IDH2: variants seen among roughly 807,000 people sequenced by gnomAD.
The protein encoded by IDH2 is isocitrate dehydrogenase [NADP], mitochondrial.
Under a neutral mutation model 50.5 loss-of-function variants are expected in IDH2, and 18 were observed. The ratio of observed to expected loss-of-function variants is 0.36; its 90% CI spans 0.25 to 0.53. The LOEUF is 0.53. Among genes scored for constraint, IDH2 ranks in the 20% least tolerant of loss-of-function variants. IDH2 has a pLI of 0.92. For synonymous variants in IDH2, 280 were observed against 239.8 expected (o/e 1.17, Z -1.55); for missense variants, 518 against 610.7 (o/e 0.85, Z 1.60).
Position 90,100,934 on chromosome 15 carries a change from G to C in IDH2, c.115+1342C>G, listed in dbSNP as rs370491637. On this transcript the variant is annotated intron_variant, in intron 1 of 10. Transcript: ENST00000330062. This position sits in a 1 kb window ranked among gnomAD's most constrained non-coding sequence, Gnocchi z 4.1. ...TTTGTGTGTGTTTTTCGGGTTGTTT[G>C]TTTCTTTTTTTTTTTTTTACCATCA... Among the ~76,000 whole-genome samples, 606 of 86,350 alleles carry C rather than the reference G, an allele frequency of 7.0e-3. 5 individuals carry two copies. The highest frequency in any genetic ancestry group is 0.01 in the South Asian group (27 of 2,676). 56.6% of individuals were successfully genotyped at this position (86,350 alleles called of 152,430 possible). A position where few individuals can be genotyped will look rare whatever the true frequency, so the allele number is the denominator to read the frequency against.
chr15:90,085,275 CT>C lies in IDH2; in HGVS notation c.1079del (p.Lys360ArgfsTer52), dbSNP rs1900829070. On this transcript the variant is annotated frameshift_variant and splice_region_variant, in exon 8 of 11. Transcript: ENST00000330062. LOFTEE classifies it high-confidence loss of function. This position sits in a 1 kb window ranked among gnomAD's most constrained non-coding sequence, Gnocchi z 5.5. ...TVTRHYREHQKGRPTSTNPIA... is the reference protein window; with the variant it reads ...TVTRHYREHQXGRPTSTNPIA... The stretch of plus-strand genomic sequence containing the variant: ...GTGAGGCCCCATGCCCTGCACTCAC[CT>C]TCTGGTGCTCCCGATAGTGGCGGGT... 6.4e-7 allele frequency: 1 copy of C among 1,557,444 alleles called. No individual in the cohort carries two copies. Among genetic ancestry groups the C allele is most frequent in the Non-Finnish European group, 8.7e-7 (1 of 1,149,722 alleles).
intron 7 of IDH2, among the ~76,000 whole-genome samples, chr15:90,086,527 G>A (rs1900863265): frequency 6.6e-6 from 1 of 152,060 alleles, no homozygotes. Context: ...TCAAGTAGCT[G>A]GGATTACAGG....
At chr15:90,094,187 C>T (rs897806545) in intron 1 of IDH2, among the ~76,000 whole-genome samples, 1 of 152,054 alleles carries the variant, frequency 6.6e-6, no homozygotes, top group Admixed American at 6.6e-5. Flanking sequence ...GGGCAGGGGA[C>T]GCTACTGAAG....
chr15:90,099,471 T>TG (rs1456895065), intron 1 of IDH2, among the ~76,000 whole-genome samples: 3 of 152,180 alleles, frequency 2.0e-5, no homozygotes, highest in African/African-American at 7.2e-5. Flanking sequence ...CTTCTCTTTT[T>TG]GGGGGGAGAA....
intron 5 of IDH2, 74 bp downstream of exon 5, chr15:90,088,285 A>C: frequency 6.3e-7 from 1 of 1,581,224 alleles, no homozygotes; most frequent in Non-Finnish European, 8.6e-7. Context: ...TTACAGAAGA[A>C]AGGAAAGCCA....
At position 90,102,357 on chromosome 15, in the gene IDH2, A is replaced by C. The variant is rs1338052183; in HGVS notation, c.34T>G (p.Cys12Gly). The change falls in exon 1 of 11, where the codon TGC (cysteine) becomes GGC (glycine). Residue 12 changes from cysteine to glycine, a missense_variant. Physicochemically the swap from Cys to Gly is radical, Grantham distance 159. Transcript: ENST00000330062. ...GCCGGCCGCGAGCCTGAGGCTCTGCAGAGCGAGCGCACGACCCGCAGGTAG... is the reference window on the plus strand; with the variant it reads ...GCCGGCCGCGAGCCTGAGGCTCTGCCGAGCGAGCGCACGACCCGCAGGTAG... ...AGYLRVVRSL[C>G]RASGSRPAWA... is the part of the protein sequence containing the mutation. 2 of 1,368,568 alleles carry C rather than the reference A, an allele frequency of 1.5e-6. No individual in the cohort carries two copies. The highest frequency in any genetic ancestry group is 1.5e-5 in the African/African-American group (1 of 66,826). The allele number at this position is 1,368,568 out of a possible 1,614,324, so 84.8% of individuals were successfully genotyped here. A position where few individuals can be genotyped will look rare whatever the true frequency, so the allele number is the denominator to read the frequency against.
rs1901036443 is a variant in IDH2, at chr15:90,091,551, A to G, written c.207+2T>C. The G allele has an allele frequency of 6.8e-6, 11 of 1,612,336 alleles. No individual in the cohort carries two copies. Among genetic ancestry groups the G allele is most frequent in the Non-Finnish European group, 8.5e-6 (10 of 1,178,314 alleles). On this transcript the variant is annotated splice_donor_variant, in intron 2 of 10. Transcript: ENST00000330062. LOFTEE classifies it high-confidence loss of function. ...GCCACCCACTTCAGGAGGGGGCACT[A>G]CCTTCTCCTTGATGAACTGCCAGAT...
At chr15:90,089,326 G>A (rs898289147) in intron 3 of IDH2, among the ~76,000 whole-genome samples, 14 of 152,226 alleles carry the variant, frequency 9.2e-5, no homozygotes, top group South Asian at 2.1e-4. Flanking sequence ...AAATGAGCTC[G>A]TGTGTAAAGG....
rs138094075 is a variant in IDH2, at chr15:90,098,531, C to CATGTATGTATGTATGCATGCATGTATGT, written c.115+3744_115+3745insACATACATGCATGCATACATACATACAT. Among the ~76,000 whole-genome samples, 1,522 of 138,378 alleles carry CATGTATGTATGTATGCATGCATGTATGT rather than the reference C, an allele frequency of 0.011. 15 individuals carry two copies. Among genetic ancestry groups the CATGTATGTATGTATGCATGCATGTATGT allele is most frequent in the African/African-American group, 0.025 (904 of 36,768 alleles). 90.8% of individuals were successfully genotyped at this position (138,378 alleles called of 152,430 possible). On this transcript the variant is annotated intron_variant, in intron 1 of 10. Coordinates refer to ENST00000330062, the MANE Select transcript of IDH2 (RefSeq NM_002168.4). The surrounding 1 kb of genome is among the most constrained non-coding windows in gnomAD (Gnocchi z 5.1). ...GTATGTATGTATGTATGTATGCATG[C>CATGTATGTATGTATGCATGCATGTATGT]ATGTATGTATGTATGTATGTATGTA...
Position 90,083,662 on chromosome 15 carries a change from G to C in IDH2, c.*604C>G, listed in dbSNP as rs796566867. 2.0e-4 allele frequency: 33 copies of C among 163,042 alleles called. No individual in the cohort carries two copies. The highest frequency in any genetic ancestry group is 7.4e-4 in the African/African-American group (31 of 41,754). The allele number at this position is 163,042 out of a possible 1,614,324, so 10.1% of individuals were successfully genotyped here. A position where few individuals can be genotyped will look rare whatever the true frequency, so the allele number is the denominator to read the frequency against. On this transcript the variant is annotated 3_prime_UTR_variant, in exon 11 of 11. Transcript: ENST00000330062. ...AAAGTGGCCTGGAGATGTTTAGAAG[G>C]TTAAAACCAACGAAGAAAAAAATCA...
rs1340218742 is a variant in IDH2 at position 90,085,594 on chromosome 15, CACTGGAGGGT to C, written c.968-217_968-208del. On this transcript the variant is annotated intron_variant, in intron 7 of 10. Coordinates refer to ENST00000330062, the MANE Select transcript of IDH2 (RefSeq NM_002168.4). This position sits in a 1 kb window ranked among gnomAD's most constrained non-coding sequence, Gnocchi z 5.5. Reference sequence around the variant, plus strand: ...CAGGGCCCAGCACAGGGCTGGAGGGCACTGGAGGGTGGCTATCACCAGCACATTAACATCC... The same window carrying C: ...CAGGGCCCAGCACAGGGCTGGAGGGCGGCTATCACCAGCACATTAACATCC... Among the ~76,000 whole-genome samples the C allele has an allele frequency of 6.6e-6, 1 of 152,176 alleles. No homozygotes were observed. The highest frequency in any genetic ancestry group is 1.5e-5 in the Non-Finnish European group (1 of 68,010).
chr15:90,084,219 C>T lies in IDH2; in HGVS notation c.*47G>A, dbSNP rs767424579. The T allele has an allele frequency of 1.2e-5, 18 of 1,542,626 alleles. No individual in the cohort carries two copies. Among genetic ancestry groups the T allele is most frequent in the South Asian group, 5.6e-5 (5 of 88,586 alleles). On this transcript the variant is annotated 3_prime_UTR_variant, in exon 11 of 11. Coordinates refer to ENST00000330062, the MANE Select transcript of IDH2 (RefSeq NM_002168.4). The surrounding 1 kb of genome is among the most constrained non-coding windows in gnomAD (Gnocchi z 5.0). ...CTCTGCCGCGCTCAGGAGGACCCGC[C>T]GGCTCAGCCCTGGCCCCTCCACTGC...
chr15:90,097,966 C>T (rs1197592253), intron 1 of IDH2, among the ~76,000 whole-genome samples: 1 of 152,158 alleles, frequency 6.6e-6, no homozygotes, highest in Non-Finnish European at 1.5e-5. Context: ...CCATGACAGC[C>T]AAGTGCCCTC....
rs1901241196 is a variant in IDH2, at chr15:90,098,523, T to TGCATGTATGTATGTATGC, written c.115+3752_115+3753insGCATACATACATACATGC. On this transcript the variant is annotated intron_variant, in intron 1 of 10. Coordinates refer to ENST00000330062, the MANE Select transcript of IDH2 (RefSeq NM_002168.4). The surrounding 1 kb of genome is among the most constrained non-coding windows in gnomAD (Gnocchi z 5.1). ...TATTTTATGTATGTATGTATGTATG[T>TGCATGTATGTATGTATGC]ATGCATGCATGTATGTATGTATGTA... is the stretch of plus-strand genomic sequence containing the variant. 4.4e-5 allele frequency among the ~76,000 whole-genome samples: 4 copies of TGCATGTATGTATGTATGC among 90,146 alleles called. No homozygotes were observed. The highest frequency in any genetic ancestry group is 9.5e-5 in the Admixed American group (1 of 10,542). The allele number at this position is 90,146 out of a possible 152,430, so 59.1% of individuals were successfully genotyped here.
Position 90,084,754 on chromosome 15 carries a change from A to T in IDH2, c.1271+62T>A. On this transcript the variant is annotated intron_variant, in intron 10 of 10. Coordinates refer to ENST00000330062, the MANE Select transcript of IDH2 (RefSeq NM_002168.4). This position sits in a 1 kb window ranked among gnomAD's most constrained non-coding sequence, Gnocchi z 5.0. Reference sequence around the variant, plus strand: ...GCTGACTCATGAGGGGGACTTTAGGAGGGGTCCCCTGGCTTCCTCCCACAT... The same window carrying T: ...GCTGACTCATGAGGGGGACTTTAGGTGGGGTCCCCTGGCTTCCTCCCACAT... 4 of 1,342,598 alleles carry T rather than the reference A, an allele frequency of 3.0e-6. No individual in the cohort carries two copies. Among genetic ancestry groups the T allele is most frequent in the Non-Finnish European group, 4.3e-6 (4 of 939,324 alleles). The allele number at this position is 1,342,598 out of a possible 1,614,324, so 83.2% of individuals were successfully genotyped here.
intron 1 of IDH2, among the ~76,000 whole-genome samples, chr15:90,099,179 CT>C (rs1207860242): frequency 6.6e-6 from 1 of 152,146 alleles, no homozygotes. Context: ...TCTCAAAACC[CT>C]GCAAAGTAAA....
rs989515347 is a variant in IDH2, at chr15:90,102,420, G to A, written c.-30C>T. ...AGCTGGAGAGCGAACGAGCAGGGCG[G>A]GAGAGGTCCGAGCGCGCGCCGCTCC... On this transcript the variant is annotated 5_prime_UTR_variant, in exon 1 of 11. Coordinates refer to ENST00000330062, the MANE Select transcript of IDH2 (RefSeq NM_002168.4). The A allele has an allele frequency of 5.8e-6, 7 of 1,210,790 alleles. No homozygotes were observed. Among genetic ancestry groups the A allele is most frequent in the African/African-American group, 1.6e-5 (1 of 63,374 alleles). The allele number at this position is 1,210,790 out of a possible 1,614,324, so 75.0% of individuals were successfully genotyped here. A position where few individuals can be genotyped will look rare whatever the true frequency, so the allele number is the denominator to read the frequency against.
rs147452749 is a variant in IDH2 at position 90,100,663 on chromosome 15, G to A, written c.115+1613C>T. 4 of 985,178 alleles carry A rather than the reference G, an allele frequency of 4.1e-6. No homozygotes were observed. In the East Asian group the frequency reaches 3.4e-4, roughly 84 times the overall value. The allele number at this position is 985,178 out of a possible 1,614,324, so 61.0% of individuals were successfully genotyped here. A position where few individuals can be genotyped will look rare whatever the true frequency, so the allele number is the denominator to read the frequency against. ...AGGAATTACCAGGCAGCAAAGACAC[G>A]GGGCTCTTTTAGCCCCAAAATATTC... On this transcript the variant is annotated intron_variant, in intron 1 of 10. Transcript: ENST00000330062. The surrounding 1 kb of genome is among the most constrained non-coding windows in gnomAD (Gnocchi z 4.1).
chr15:90,087,286 T>C (rs1304965156), intron 6 of IDH2, 23 bp from the exon 7 acceptor site: 2 of 1,614,036 alleles, frequency 1.2e-6, no homozygotes, highest in Non-Finnish European at 1.7e-6. Context: ...AGGTCTGTTA[T>C]GGGGAGAGGG....
Sources: gnomAD v4.1 joint callset for allele counts (sites outside exome capture counted in the v4.1 genomes callset) on GRCh38, gnomAD v4.1.1 for gene constraint, Gnocchi (gnomAD v3.1) non-coding constraint, MANE v1.5 for transcripts, NCBI Gene and HGNC (gene_info 2026-07-23, HGNC 2026-07-21) for gene names.